The following CLPB variants were observed in gnomAD, a reference collection of about 807,000 sequenced individuals.
The protein encoded by CLPB is mitochondrial disaggregase.
Under a neutral mutation model 78.4 loss-of-function variants are expected in CLPB, and 40 were observed. That is an observed-to-expected ratio of 0.51 (90% CI 0.40 to 0.66). The LOEUF (loss-of-function observed/expected upper bound fraction) is 0.66, where lower values mean the gene tolerates loss of function less well. CLPB is among the 30% of genes least tolerant of loss of function. The pLI is 0.00. For synonymous variants in CLPB, 333 were observed against 348.0 expected (o/e 0.96, Z 0.48); for missense variants, 780 against 886.9 (o/e 0.88, Z 1.53).
intron 4 of CLPB, among the ~76,000 whole-genome samples, chr11:72,372,374 T>G (rs1951059606): frequency 6.6e-6 from 1 of 152,186 alleles, no homozygotes. Flanking sequence ...ATTTTACAAA[T>G]AAGGAGACAG....
chr11:72,329,603 T>A, intron 6 of CLPB, 104 bp downstream of exon 6: 1 of 681,904 alleles, frequency 1.5e-6, no homozygotes, highest in East Asian at 2.6e-5. Flanking sequence ...AATAATCACC[T>A]AAGGAGAAGT....
chr11:72,413,238 G>A (rs534871689), intron 2 of CLPB, among the ~76,000 whole-genome samples: 2 of 151,832 alleles, frequency 1.3e-5, no homozygotes, highest in Non-Finnish European at 2.9e-5. Context: ...GCAGTGAGCC[G>A]AGATCGTGCT....
At chr11:72,357,435 G>C (rs1156407385) in intron 5 of CLPB, among the ~76,000 whole-genome samples, 1 of 152,124 alleles carries the variant, frequency 6.6e-6, no homozygotes, top group Non-Finnish European at 1.5e-5. Context: ...ACCATGCCGG[G>C]CGCAGTGGCC....
chr11:72,347,598 G>A (rs1950539736), intron 5 of CLPB, among the ~76,000 whole-genome samples: 2 of 152,172 alleles, frequency 1.3e-5, no homozygotes, highest in African/African-American at 2.4e-5. Flanking sequence ...TGTGAATTTT[G>A]TACTATGTAC....
intron 6 of CLPB, among the ~76,000 whole-genome samples, chr11:72,321,638 G>A (rs1950045863): frequency 6.6e-6 from 1 of 152,168 alleles, no homozygotes; most frequent in Non-Finnish European, 1.5e-5. Flanking sequence ...ATCCCTCAGG[G>A]CAGAGGTCTG....
In CLPB at chr11:72,293,625, G is replaced by A. The variant is rs1949492378; in HGVS notation, c.1786-10C>T. 6.2e-7 allele frequency: 1 copy of A among 1,605,832 alleles called. No individual in the cohort carries two copies. The highest frequency in any genetic ancestry group is 2.2e-5 in the East Asian group (1 of 44,634). The stretch of plus-strand genomic sequence containing the variant: ...CCACACGGCGTTCTACCTGTCGGTG[G>A]GGAGGTGAAGTGGTCACTCCCTCGG... On this transcript the variant is annotated splice_polypyrimidine_tract_variant and intron_variant, in intron 15 of 15. Coordinates refer to ENST00000538039, the MANE Select transcript of CLPB (RefSeq NM_001258392.3).
chr11:72,294,868 T>G (rs1052266681), intron 12 of CLPB, among the ~76,000 whole-genome samples, 175 bp from the exon 13 acceptor site: 9 of 152,200 alleles, frequency 5.9e-5, no homozygotes, highest in Non-Finnish European at 1.3e-4. Context: ...CCAGGCACTT[T>G]CGGAGGCCTT....
rs563017681 is a variant in CLPB at position 72,382,384 on chromosome 11, G to A, written c.543-2000C>T. ...CTTAGGCTCCAGGCCCGTCCACCTGGATGCAGGCGCCAAGTCAATCCCAAT... is the reference window on the plus strand; with the variant it reads ...CTTAGGCTCCAGGCCCGTCCACCTGAATGCAGGCGCCAAGTCAATCCCAAT... On this transcript the variant is annotated intron_variant, in intron 3 of 15. Transcript: ENST00000538039. Among the ~76,000 whole-genome samples, 19 of 152,204 alleles carry A rather than the reference G, an allele frequency of 1.2e-4. 1 individual carries two copies. The highest frequency in any genetic ancestry group is 2.4e-4 in the Non-Finnish European group (16 of 68,036).
At chr11:72,376,653 T>TTA (rs1491384369) in intron 4 of CLPB, among the ~76,000 whole-genome samples, 4 of 32,904 alleles carry the variant, frequency 1.2e-4, no homozygotes, top group Non-Finnish European at 6.3e-4. Context: ...ATTATTATTA[T>TTA]TTTTTTTTAA....
intron 2 of CLPB, chr11:72,412,102 G>A (rs1028051540): frequency 1.3e-5 from 2 of 152,298 alleles, no homozygotes; most frequent in African/African-American, 4.8e-5. Flanking sequence ...GCAGGGCAAG[G>A]GAGCAAAGGC....
chr11:72,373,614 T>A (rs1951085153), intron 4 of CLPB, among the ~76,000 whole-genome samples: 1 of 152,150 alleles, frequency 6.6e-6, no homozygotes, highest in Admixed American at 6.5e-5. Flanking sequence ...TTCCCCATCC[T>A]CTTCATCCTC....
chr11:72,402,823 G>C (rs1855600334), intron 3 of CLPB, 143 bp downstream of exon 3: 1 of 641,764 alleles, frequency 1.6e-6, no homozygotes, highest in Non-Finnish European at 2.8e-6. Context: ...CAATGCACCA[G>C]GTGAAGTCCA....
chr11:72,309,746 G>A (rs1340886215), intron 7 of CLPB, among the ~76,000 whole-genome samples: 1 of 152,210 alleles, frequency 6.6e-6, no homozygotes, highest in Non-Finnish European at 1.5e-5. Flanking sequence ...TCAGGAGCAG[G>A]AAAGAGAGTA....
intron 3 of CLPB, among the ~76,000 whole-genome samples, chr11:72,401,182 G>A (rs149672293): frequency 2.6e-4 from 40 of 152,332 alleles, no homozygotes; most frequent in African/African-American, 8.2e-4. Flanking sequence ...GCTCACGCCT[G>A]TAATCCCAGC....
chr11:72,340,897 C>A (rs1346794024), intron 5 of CLPB, among the ~76,000 whole-genome samples: 1 of 152,238 alleles, frequency 6.6e-6, no homozygotes, highest in Admixed American at 6.5e-5. Flanking sequence ...GTCGTCCACG[C>A]TGGAGTGCAG....
chr11:72,323,565 CAAA>C (rs371241451), intron 6 of CLPB, among the ~76,000 whole-genome samples: 4 of 68,784 alleles, frequency 5.8e-5, no homozygotes, highest in Admixed American at 3.5e-4. Flanking sequence ...GACTCCATCT[CAAA>C]AAAAAAAAAA....
At chr11:72,295,422 C>T (rs1025811231) in intron 12 of CLPB, 70 bp downstream of exon 12, 49 of 1,561,624 alleles carry the variant, frequency 3.1e-5, no homozygotes, top group Non-Finnish European at 4.1e-5. Context: ...GGGCCCCAAT[C>T]CCATCCTTCC....
At chr11:72,318,776 G>A (rs1042557179) in intron 6 of CLPB, among the ~76,000 whole-genome samples, 7 of 152,170 alleles carry the variant, frequency 4.6e-5, no homozygotes, top group African/African-American at 7.2e-5. Context: ...ATAATTCGGC[G>A]CCAATCCCAG....
At chr11:72,381,521 C>T (rs1261846267) in intron 3 of CLPB, among the ~76,000 whole-genome samples, 4 of 152,184 alleles carry the variant, frequency 2.6e-5, no homozygotes, top group African/African-American at 9.7e-5. Context: ...ACTCAGGCTT[C>T]AGGCCCACCT....
Sources: gnomAD v4.1 joint callset for allele counts (sites outside exome capture counted in the v4.1 genomes callset) on GRCh38, gnomAD v4.1.1 for gene constraint, MANE v1.5 for transcripts, NCBI Gene and HGNC (gene_info 2026-07-23, HGNC 2026-07-21) for gene names.